Variants in TTC39B observed in about 807,000 individuals in gnomAD.
TTC39B encodes tetratricopeptide repeat domain 39B, also known as tetratricopeptide repeat protein 39B.
A neutral mutation model predicts 96.6 loss-of-function variants in TTC39B; 92 were observed. The observed-to-expected ratio is 0.95, with a 90% CI of 0.80 to 1.13. The LOEUF (loss-of-function observed/expected upper bound fraction) is 1.13, where lower values mean the gene tolerates loss of function less well. Ranked by LOEUF, TTC39B falls within the 50% of genes most tolerant of loss-of-function variation. The pLI, the probability that TTC39B is intolerant of heterozygous loss-of-function variation, is 0.00. For synonymous variants in TTC39B, 367 were observed against 299.4 expected, an observed-to-expected ratio of 1.23 and a Z score of -2.33; for missense variants, 955 against 809.3, an observed-to-expected ratio of 1.18 and a Z score of -2.18.
intron 8 of TTC39B, among the ~76,000 whole-genome samples, chr9:15,194,469 ATG>A (rs1295439014): frequency 2.6e-5 from 4 of 152,146 alleles, no homozygotes; most frequent in East Asian, 1.9e-4. Context: ...GTGTAAGTCC[ATG>A]TGTGTGCACA....
rs147750372 is a variant in TTC39B at position 15,173,228 on chromosome 9, A to G, written c.1959-1119T>C. 2.3e-3 allele frequency among the ~76,000 whole-genome samples: 346 copies of G among 152,296 alleles called. 1 individual carries two copies. The highest frequency in any genetic ancestry group is 7.7e-3 in the African/African-American group (321 of 41,570). ...CCAATAGCTGGATTTGAAGATATCTATATCTAACACATGAAATATTGGTCA... is the reference window on the plus strand; with the variant it reads ...CCAATAGCTGGATTTGAAGATATCTGTATCTAACACATGAAATATTGGTCA... On this transcript the variant is annotated intron_variant, in intron 19 of 19. Coordinates refer to ENST00000512701, the Ensembl canonical transcript of TTC39B.
At chr9:15,289,288 C>T (rs1473752392) in intron 1 of TTC39B, among the ~76,000 whole-genome samples, 1 of 152,098 alleles carries the variant, frequency 6.6e-6, no homozygotes, top group East Asian at 1.9e-4. Context: ...TGGCTAGTTG[C>T]AGTATTTTAA....
intron 2 of TTC39B, among the ~76,000 whole-genome samples, chr9:15,258,682 G>A (rs557669991): frequency 7.9e-5 from 12 of 152,316 alleles, no homozygotes; most frequent in African/African-American, 1.9e-4. Flanking sequence ...CACTGAGCCT[G>A]CAGAAAGGCA....
chr9:15,211,230 G>A, intron 5 of TTC39B, 36 bp downstream of exon 5: 1 of 1,414,494 alleles, frequency 7.1e-7, no homozygotes, highest in Non-Finnish European at 9.3e-7. Context: ...ATAAAAGTTT[G>A]CAGTCACATC....
At chr9:15,304,750 G>T (rs1824705026) in intron 1 of TTC39B, among the ~76,000 whole-genome samples, 1 of 151,928 alleles carries the variant, frequency 6.6e-6, no homozygotes, top group East Asian at 1.9e-4. Flanking sequence ...TCAGATAAGG[G>T]AACTGAAAGA....
At chr9:15,202,366 C>A (rs1819589672) in intron 7 of TTC39B, among the ~76,000 whole-genome samples, 1 of 152,056 alleles carries the variant, frequency 6.6e-6, no homozygotes, top group African/African-American at 2.4e-5. Flanking sequence ...AAACCAGAAT[C>A]CAACCCAAGA....
chr9:15,171,167 G>C (rs1817640862), exon 20 of TTC39B: 1 of 152,012 alleles, frequency 6.6e-6, no homozygotes, highest in South Asian at 2.1e-4. Flanking sequence ...TAGAAAACTA[G>C]GTCTTACCAA....
chr9:15,244,948 A>G (rs1822208194), intron 2 of TTC39B, among the ~76,000 whole-genome samples: 1 of 152,076 alleles, frequency 6.6e-6, no homozygotes, highest in Admixed American at 6.5e-5. Context: ...GGAAGAAAAA[A>G]AATAAAGGCT....
chr9:15,301,765 AAAAG>A (rs550256676), intron 1 of TTC39B, among the ~76,000 whole-genome samples: 25 of 152,078 alleles, frequency 1.6e-4, no homozygotes, highest in African/African-American at 5.8e-4. Flanking sequence ...CAAAAAAAAA[AAAAG>A]AAGAAGAAAA....
At chr9:15,217,605 C>T (rs751916937) in intron 3 of TTC39B, among the ~76,000 whole-genome samples, 8 of 152,158 alleles carry the variant, frequency 5.3e-5, no homozygotes, top group Non-Finnish European at 8.8e-5. Flanking sequence ...CTCGGACACA[C>T]GTGTTCCTCT....
Position 15,284,189 on chromosome 9 carries a change from G to C in TTC39B, c.241-16241C>G, listed in dbSNP as rs139533147. 6.8e-3 allele frequency among the ~76,000 whole-genome samples: 1,033 copies of C among 152,318 alleles called. 8 individuals carry two copies. Among genetic ancestry groups the C allele is most frequent in the Non-Finnish European group, 0.01 (681 of 68,026 alleles). On this transcript the variant is annotated intron_variant, in intron 1 of 19. Coordinates refer to ENST00000512701, the Ensembl canonical transcript of TTC39B. Reference sequence around the variant, plus strand: ...TCCACTAGCCAATAAATGTGGAAATGTGCACGTAAAAAGTCATATTATTTT... The same window carrying C: ...TCCACTAGCCAATAAATGTGGAAATCTGCACGTAAAAAGTCATATTATTTT...
At chr9:15,199,106 C>G (rs1053993000) in intron 8 of TTC39B, among the ~76,000 whole-genome samples, 3 of 152,126 alleles carry the variant, frequency 2.0e-5, no homozygotes, top group Admixed American at 1.3e-4. Flanking sequence ...AAACTTAGAG[C>G]CTTTAACACT....
intron 2 of TTC39B, among the ~76,000 whole-genome samples, chr9:15,252,982 T>C (rs917620728): frequency 3.3e-5 from 5 of 152,206 alleles, no homozygotes; most frequent in African/African-American, 1.2e-4. Flanking sequence ...TCGAAAATTA[T>C]AAATACCCTG....
chr9:15,295,027 G>A (rs149434138), intron 1 of TTC39B, among the ~76,000 whole-genome samples: 1 of 152,214 alleles, frequency 6.6e-6, no homozygotes, highest in African/African-American at 2.4e-5. Flanking sequence ...CCAATTAATG[G>A]GATGTGTCAA....
chr9:15,189,126 G>T (rs543380560), intron 13 of TTC39B, among the ~76,000 whole-genome samples: 1 of 152,258 alleles, frequency 6.6e-6, no homozygotes, highest in South Asian at 2.1e-4. Context: ...TACATAAATG[G>T]CTCCTTACTT....
chr9:15,204,491 T>A (rs1202537610), intron 6 of TTC39B, among the ~76,000 whole-genome samples: 1 of 150,778 alleles, frequency 6.6e-6, no homozygotes, highest in East Asian at 1.9e-4. Flanking sequence ...ATTGCGCCAT[T>A]GCACTCCAGC....
chr9:15,250,240 T>A, intron 2 of TTC39B: 1 of 1,082,718 alleles, frequency 9.2e-7, no homozygotes, highest in Non-Finnish European at 1.1e-6. Context: ...TGCCGGGAGA[T>A]TTTTTTTCCC....
chr9:15,307,216 G>C (rs778785655), exon 1 of TTC39B: 4 of 1,557,058 alleles, frequency 2.6e-6, no homozygotes, highest in Non-Finnish European at 3.5e-6. Flanking sequence ...CAGCGCAAAG[G>C]AGGGCAAAAG....
At chr9:15,250,186 G>A in intron 2 of TTC39B, 1 of 1,184,874 alleles carries the variant, frequency 8.4e-7, no homozygotes, top group Middle Eastern at 2.4e-4. Context: ...AGTTAAAGTG[G>A]CAGCTACACT....
Sources: allele counts gnomAD v4.1 joint callset (sites outside exome capture counted in the v4.1 genomes callset), GRCh38; gene constraint gnomAD v4.1.1; transcripts MANE v1.5; gene names NCBI Gene and HGNC (gene_info 2026-07-23, HGNC 2026-07-21).